Variants in C13orf42 observed in about 807,000 individuals in gnomAD.
C13orf42 encodes the protein uncharacterized protein C13orf42.
intron 1 of C13orf42, among the ~76,000 whole-genome samples, chr13:51,146,625 A>T (rs2138034744): frequency 6.6e-6 from 1 of 152,296 alleles, no homozygotes; most frequent in East Asian, 1.9e-4. Context: ...GAACAACTTG[A>T]AGCAAAGGAC....
Position 51,120,544 on chromosome 13 carries a change from C to T in C13orf42, n.137-7322G>A, listed in dbSNP as rs113098742. Among the ~76,000 whole-genome samples, 558 of 152,330 alleles carry T rather than the reference C, an allele frequency of 3.7e-3. 4 individuals are homozygous for T. Among genetic ancestry groups the T allele is most frequent in the African/African-American group, 0.012 (495 of 41,562 alleles). Reference sequence around the variant, plus strand: ...TCATAAAAAATGGTTATCTGAATATCTGTCAAAGGAGAAATGCCTTGAGAC... The same window carrying T: ...TCATAAAAAATGGTTATCTGAATATTTGTCAAAGGAGAAATGCCTTGAGAC... On this transcript the variant is annotated intron_variant and non_coding_transcript_variant, in intron 1 of 4. Transcript: ENST00000433280.
intron 1 of C13orf42, among the ~76,000 whole-genome samples, chr13:51,149,702 C>T (rs770151684): frequency 2.0e-5 from 3 of 152,144 alleles, no homozygotes; most frequent in Non-Finnish European, 4.4e-5. Flanking sequence ...TATGTTTTTC[C>T]AGTGCAAACT....
intron 1 of C13orf42, among the ~76,000 whole-genome samples, chr13:51,138,134 G>A (rs1048431455): frequency 1.3e-5 from 2 of 152,110 alleles, no homozygotes; most frequent in African/African-American, 4.8e-5. Flanking sequence ...GAGGAGGAGG[G>A]GCAGAGGATC....
chr13:51,125,865 T>G (rs1271105379), intron 1 of C13orf42, among the ~76,000 whole-genome samples: 1 of 152,232 alleles, frequency 6.6e-6, no homozygotes, highest in African/African-American at 2.4e-5. Flanking sequence ...AACAGCTAAC[T>G]GAGCTCTTAA....
intron 1 of C13orf42, among the ~76,000 whole-genome samples, chr13:51,123,451 G>C (rs952658765): frequency 6.6e-6 from 1 of 152,154 alleles, no homozygotes; most frequent in African/African-American, 2.4e-5. Flanking sequence ...CTCACACTTT[G>C]TGGACCAAAG....
chr13:51,136,709 C>A (rs1164573836), intron 1 of C13orf42, among the ~76,000 whole-genome samples: 3 of 152,150 alleles, frequency 2.0e-5, no homozygotes, highest in Non-Finnish European at 4.4e-5. Flanking sequence ...TCTTCCCCAG[C>A]CCTGAAGAAG....
In C13orf42 at chr13:51,083,822, G is replaced by A. The variant is rs1409609644; in HGVS notation, c.*329C>T. 4 of 197,732 alleles carry A rather than the reference G, an allele frequency of 2.0e-5. No homozygotes were observed. The highest frequency in any genetic ancestry group is 1.2e-4 in the East Asian group (1 of 8,542). The allele number at this position is 197,732 out of a possible 1,614,324, so 12.2% of individuals were successfully genotyped here. A position where few individuals can be genotyped will look rare whatever the true frequency, so the allele number is the denominator to read the frequency against. On this transcript the variant is annotated 3_prime_UTR_variant, in exon 4 of 4. Coordinates refer to ENST00000563710, the MANE Select transcript of C13orf42 (RefSeq NM_001351589.3). ...CCACCTGGACAGACACGTGGAGAAT[G>A]AGGACCAGGCCAGGTGAGGTCAGGG...
At chr13:51,085,159 G>T (rs1460290710) in intron 3 of C13orf42, among the ~76,000 whole-genome samples, 160 bp downstream of exon 3, 1 of 144,508 alleles carries the variant, frequency 6.9e-6, no homozygotes, top group East Asian at 2.0e-4. Flanking sequence ...TTGAAACTAA[G>T]ACCTCACCAC....
rs1953112274 is a variant in C13orf42 at position 51,085,476 on chromosome 13, G to C, written c.646C>G (p.His216Asp). 2 of 398,598 alleles carry C rather than the reference G, an allele frequency of 5.0e-6. No homozygotes were observed. The highest frequency in any genetic ancestry group is 7.1e-5 in the East Asian group (2 of 28,062). 24.7% of individuals were successfully genotyped at this position (398,598 alleles called of 1,614,324 possible). The change falls in exon 3 of 4, where the codon CAC (histidine) becomes GAC (aspartate). Residue 216 changes from histidine to aspartate, a missense_variant. His to Asp is a moderately conservative substitution (Grantham distance 81). Coordinates refer to ENST00000563710, the MANE Select transcript of C13orf42 (RefSeq NM_001351589.3). ...TGGCCGTCTACAGTATGCACAGTGT[G>C]GGCAGCGATATCCTCGGAGTGTCTG... is the stretch of plus-strand genomic sequence containing the variant. ...PRRHSEDIAA[H>D]TVHTVDGQFR...
chr13:51,082,260 C>T lies in C13orf42; in HGVS notation c.*1891G>A, dbSNP rs1337407883. The T allele has an allele frequency of 6.6e-6, 1 of 152,198 alleles. No homozygotes were observed. The highest frequency in any genetic ancestry group is 1.5e-5 in the Non-Finnish European group (1 of 68,028). The allele number at this position is 152,198 out of a possible 1,614,324, so 9.4% of individuals were successfully genotyped here. ...AACACCTAAAAATGATCCCCAAAGACAAGACAACCTTCTGTTTCCCAATCA... is the reference window on the plus strand; with the variant it reads ...AACACCTAAAAATGATCCCCAAAGATAAGACAACCTTCTGTTTCCCAATCA... On this transcript the variant is annotated 3_prime_UTR_variant, in exon 4 of 4. Transcript: ENST00000563710.
chr13:51,131,749 C>T (rs1199285483), intron 1 of C13orf42, among the ~76,000 whole-genome samples: 1 of 152,110 alleles, frequency 6.6e-6, no homozygotes, highest in Non-Finnish European at 1.5e-5. Flanking sequence ...GTATAATAAA[C>T]CAAATCAGTC....
intron 1 of C13orf42, among the ~76,000 whole-genome samples, chr13:51,170,603 GAC>G (rs1953940830): frequency 6.6e-6 from 1 of 152,118 alleles, no homozygotes; most frequent in Non-Finnish European, 1.5e-5. Context: ...AGACAAAAGA[GAC>G]ATGTTTTATC....
intron 1 of C13orf42, among the ~76,000 whole-genome samples, chr13:51,157,451 AAAATAAAATAAAATG>A (rs1452281380): frequency 2.0e-5 from 3 of 148,904 alleles, no homozygotes; most frequent in Non-Finnish European, 4.4e-5. Flanking sequence ...AAAATAAAAT[AAAATAAAATAAAATG>A]AAATAAAATT....
Position 51,083,601 on chromosome 13 carries a change from G to A in C13orf42, c.*550C>T, listed in dbSNP as rs1382574998. The A allele has an allele frequency of 6.7e-6, 1 of 150,186 alleles. No individual in the cohort carries two copies. 9.3% of individuals were successfully genotyped at this position (150,186 alleles called of 1,614,324 possible). On this transcript the variant is annotated 3_prime_UTR_variant, in exon 4 of 4. Coordinates refer to ENST00000563710, the MANE Select transcript of C13orf42 (RefSeq NM_001351589.3). ...ATTAGCCTCATCTTAGCTTAATGCA[G>A]CAGGAGTTTCTGGAAAACTCTGAAA...
At chr13:51,119,726 A>T (rs1353874089) in intron 1 of C13orf42, among the ~76,000 whole-genome samples, 1 of 152,146 alleles carries the variant, frequency 6.6e-6, no homozygotes, top group African/African-American at 2.4e-5. Context: ...GACAGAAAGA[A>T]TGGTGGTTGC....
chr13:51,164,547 C>T (rs1261148332), intron 1 of C13orf42, among the ~76,000 whole-genome samples: 1 of 152,124 alleles, frequency 6.6e-6, no homozygotes, highest in Non-Finnish European at 1.5e-5. Flanking sequence ...ATAGTCCTAG[C>T]TATTCAGGAG....
chr13:51,104,774 TA>T (rs11336196), intron 1 of C13orf42, among the ~76,000 whole-genome samples: 90,493 of 140,528 alleles, frequency 0.64, 29,478 homozygotes, highest in African/African-American at 0.82. Flanking sequence ...GCTATTATAT[TA>T]AAAAAAAAAA....
chr13:51,125,300 A>C (rs115035192), intron 1 of C13orf42, among the ~76,000 whole-genome samples: 1 of 152,178 alleles, frequency 6.6e-6, no homozygotes, highest in Non-Finnish European at 1.5e-5. Context: ...TCAGCTCCCT[A>C]GTTTGCCCCT....
Position 51,164,160 on chromosome 13 carries a change from C to CA in C13orf42, n.136+8092dup, listed in dbSNP as rs559111180. On this transcript the variant is annotated intron_variant and non_coding_transcript_variant, in intron 1 of 4. Transcript: ENST00000433280. ...CTCAATGGATTACGTTCCAAAACTT[C>CA]AAAATTGAAGTCATGTCTACTGATA... Among the ~76,000 whole-genome samples, 4 of 152,300 alleles carry CA rather than the reference C, an allele frequency of 2.6e-5. No individual in the cohort carries two copies. In the East Asian group the frequency reaches 7.7e-4, roughly 29 times the overall value.
Sources: allele counts gnomAD v4.1 joint callset (sites outside exome capture counted in the v4.1 genomes callset), GRCh38; gene constraint gnomAD v4.1.1; transcripts MANE v1.5; gene names NCBI Gene and HGNC (gene_info 2026-07-23, HGNC 2026-07-21).